HIPK2: variants seen among roughly 807,000 people sequenced by gnomAD.
HIPK2 encodes homeodomain-interacting protein kinase 2.
In HIPK2, 27 loss-of-function variants were observed where a neutral mutation model predicts 113.7. The ratio of observed to expected loss-of-function variants is 0.24; its 90% CI spans 0.17 to 0.33. HIPK2 has a LOEUF of 0.33. Among genes scored for constraint, HIPK2 ranks in the 10% least tolerant of loss-of-function variants. The pLI, the probability that HIPK2 is intolerant of heterozygous loss-of-function variation, is 1.00. For missense variants in HIPK2, 1,257 were observed against 1,588.0 expected (o/e 0.79, Z 3.54); for synonymous variants, 631 against 642.2 (o/e 0.98, Z 0.26).
chr7:139,629,209 C>A (rs940356187), intron 4 of HIPK2, among the ~76,000 whole-genome samples, 170 bp from the exon 5 acceptor site: 2 of 152,186 alleles, frequency 1.3e-5, no homozygotes, highest in Non-Finnish European at 2.9e-5. Context: ...TTCATCCACA[C>A]CAACCCATCC....
chr7:139,677,942 G>C (rs1003257250), intron 2 of HIPK2, among the ~76,000 whole-genome samples: 23 of 152,132 alleles, frequency 1.5e-4, no homozygotes, highest in Non-Finnish European at 2.6e-4. Context: ...TCTCATTGTG[G>C]TTTTGATTTG....
Position 139,564,065 on chromosome 7 carries a change from C to T in HIPK2, c.*8862G>A, listed in dbSNP as rs1798024059. The T allele has an allele frequency of 2.5e-6, 1 of 397,672 alleles. No individual in the cohort carries two copies. Among genetic ancestry groups the T allele is most frequent in the Non-Finnish European group, 4.4e-6 (1 of 226,026 alleles). The allele number at this position is 397,672 out of a possible 1,614,324, so 24.6% of individuals were successfully genotyped here. A position where few individuals can be genotyped will look rare whatever the true frequency, so the allele number is the denominator to read the frequency against. ...ACCAGGCTGAGCTGCCCCTCTGTCT[C>T]TGCCTCCTCCTGCTCAGCCCTGACC... On this transcript the variant is annotated 3_prime_UTR_variant, in exon 15 of 15. Transcript: ENST00000406875.
At chr7:139,739,932 C>T (rs1796049715) in intron 1 of HIPK2, among the ~76,000 whole-genome samples, 1 of 152,204 alleles carries the variant, frequency 6.6e-6, no homozygotes, top group Admixed American at 6.5e-5. Context: ...TGGACTATTA[C>T]TGCACACTTT....
chr7:139,772,832 C>T lies in HIPK2; in HGVS notation c.19+4773G>A, dbSNP rs192395447. On this transcript the variant is annotated intron_variant, in intron 1 of 14. Transcript: ENST00000406875. Reference sequence around the variant, plus strand: ...GTTGGTCTCGAACTCCTGATCCACCCGCCTCAGCCTTCCAAAGTGCTGGGA... The same window carrying T: ...GTTGGTCTCGAACTCCTGATCCACCTGCCTCAGCCTTCCAAAGTGCTGGGA... 3.3e-5 allele frequency among the ~76,000 whole-genome samples: 5 copies of T among 151,616 alleles called. No homozygotes were observed. The East Asian group carries it at 9.7e-4, about 29-fold the overall frequency.
intron 2 of HIPK2, among the ~76,000 whole-genome samples, chr7:139,635,545 G>A (rs747239683): frequency 1.8e-4 from 27 of 152,106 alleles, no homozygotes; most frequent in Non-Finnish European, 3.4e-4. Context: ...TGACATGAAC[G>A]GGGCCTGGGA....
chr7:139,631,233 C>T lies in HIPK2; in HGVS notation c.1279G>A (p.Ala427Thr), dbSNP rs530591248. ...AAAAACCTAGTTGTCTTTGTCCCGG[C>T]GCTTAATAAATATTCAGCAGGCAAA... ...QGLPAEYLLSAGTKTTRFFNR... is the reference protein window; with the variant it reads ...QGLPAEYLLSTGTKTTRFFNR... The change falls in exon 4 of 15, where the codon GCC (alanine) becomes ACC (threonine). Residue 427 changes from alanine (A) to threonine (T), a missense_variant. By Grantham distance (58) the Ala-to-Thr change is moderately conservative. Coordinates refer to ENST00000406875, the MANE Select transcript of HIPK2 (RefSeq NM_022740.5). This position sits in a 1 kb window ranked among gnomAD's most constrained non-coding sequence, Gnocchi z 4.9. 6.2e-6 allele frequency: 10 copies of T among 1,613,708 alleles called. No homozygotes were observed. The highest frequency in any genetic ancestry group is 2.7e-5 in the African/African-American group (2 of 75,014).
chr7:139,577,356 G>T (rs1569442602), intron 13 of HIPK2, among the ~76,000 whole-genome samples: 1 of 151,930 alleles, frequency 6.6e-6, no homozygotes, highest in Non-Finnish European at 1.5e-5. Flanking sequence ...TCACCATGTT[G>T]GCCAGGCTGG....
Position 139,715,728 on chromosome 7 carries a change from G to A in HIPK2, c.1103+204C>T, listed in dbSNP as rs1046223613. 1.6e-5 allele frequency: 6 copies of A among 374,976 alleles called. No individual in the cohort carries two copies. The East Asian group carries it at 4.9e-4, about 31-fold the overall frequency. 23.2% of individuals were successfully genotyped at this position (374,976 alleles called of 1,614,324 possible). On this transcript the variant is annotated intron_variant, in intron 2 of 14. Coordinates refer to ENST00000406875, the MANE Select transcript of HIPK2 (RefSeq NM_022740.5). ...TTCCAACGCTGAACACCTGTGCCAC[G>A]GATCTTACCTGGCTCCGTTCTAATG... is the stretch of plus-strand genomic sequence containing the variant.
Position 139,667,233 on chromosome 7 carries a change from T to C in HIPK2, c.1104-35508A>G, listed in dbSNP as rs997011136. 3.9e-5 allele frequency among the ~76,000 whole-genome samples: 6 copies of C among 152,370 alleles called. No homozygotes were observed. In the South Asian group the frequency reaches 6.2e-4, roughly 16 times the overall value. ...TGCATAGTTTTGGTCTTTCTACTTA[T>C]AATCAAGTCCACCAATTATTAATAT... On this transcript the variant is annotated intron_variant, in intron 2 of 14. Coordinates refer to ENST00000406875, the MANE Select transcript of HIPK2 (RefSeq NM_022740.5).
intron 9 of HIPK2, among the ~76,000 whole-genome samples, chr7:139,611,821 G>C (rs1356944102): frequency 6.6e-6 from 1 of 152,110 alleles, no homozygotes; most frequent in Non-Finnish European, 1.5e-5. Flanking sequence ...TGAGACTACA[G>C]GCCTGGGACT....
intron 1 of HIPK2, among the ~76,000 whole-genome samples, chr7:139,721,582 A>G (rs567066826): frequency 3.3e-5 from 5 of 152,224 alleles, no homozygotes; most frequent in Admixed American, 6.5e-5. Context: ...TGGACTAGTC[A>G]AGGCTACTTC....
chr7:139,670,424 A>T (rs1459195188), intron 2 of HIPK2, among the ~76,000 whole-genome samples: 1 of 43,872 alleles, frequency 2.3e-5, no homozygotes, highest in Non-Finnish European at 3.9e-5. Context: ...TCTCTACAAA[A>T]AATCAGTTAA....
At chr7:139,633,095 CAAAAAAAAAAAAAA>C (rs942820284) in intron 2 of HIPK2, among the ~76,000 whole-genome samples, 2 of 74,610 alleles carry the variant, frequency 2.7e-5, no homozygotes, top group African/African-American at 9.0e-5. Flanking sequence ...GACCCTGTCT[CAAAAAAAAAAAAAA>C]AAAAAAAAAA....
intron 1 of HIPK2, among the ~76,000 whole-genome samples, chr7:139,766,019 T>C (rs554185574): frequency 6.6e-6 from 1 of 152,330 alleles, no homozygotes; most frequent in East Asian, 1.9e-4. Context: ...CATTGATACT[T>C]GGAGAAGAAC....
At chr7:139,641,739 C>A (rs1430460604) in intron 2 of HIPK2, among the ~76,000 whole-genome samples, 1 of 152,170 alleles carries the variant, frequency 6.6e-6, no homozygotes, top group Non-Finnish European at 1.5e-5. Context: ...GTCCCTTGCT[C>A]ACCCCAAACA....
intron 1 of HIPK2, among the ~76,000 whole-genome samples, chr7:139,734,038 A>G (rs1339959169): frequency 6.6e-6 from 1 of 152,224 alleles, no homozygotes; most frequent in East Asian, 1.9e-4. Context: ...CAGTGCTGGA[A>G]TATTCGTTAA....
intron 2 of HIPK2, among the ~76,000 whole-genome samples, chr7:139,692,769 T>C (rs1395394506): frequency 6.6e-6 from 1 of 152,218 alleles, no homozygotes; most frequent in Admixed American, 6.5e-5. Flanking sequence ...CAGTACCCAT[T>C]ATGTGGGTGG....
intron 1 of HIPK2, among the ~76,000 whole-genome samples, chr7:139,774,867 C>A (rs1258486912): frequency 1.3e-5 from 2 of 152,174 alleles, no homozygotes; most frequent in African/African-American, 2.4e-5. Context: ...AAGTTCAGTT[C>A]CAAACCACCA....
chr7:139,670,730 C>A (rs1802237217), intron 2 of HIPK2, among the ~76,000 whole-genome samples: 2 of 86,804 alleles, frequency 2.3e-5, no homozygotes, highest in South Asian at 5.2e-4. Flanking sequence ...ATTTCTTTTT[C>A]TTTTCTTTCT....
Sources: allele counts gnomAD v4.1 joint callset (sites outside exome capture counted in the v4.1 genomes callset), GRCh38; gene constraint gnomAD v4.1.1; non-coding constraint Gnocchi (gnomAD v3.1); transcripts MANE v1.5; gene names NCBI Gene and HGNC (gene_info 2026-07-23, HGNC 2026-07-21).